Variants in ZFAT observed in about 807,000 individuals in gnomAD.
ZFAT encodes zinc finger protein ZFAT.
A neutral mutation model predicts 117.7 loss-of-function variants in ZFAT; 64 were observed. The ratio of observed to expected loss-of-function variants is 0.54; its 90% CI spans 0.44 to 0.67. The LOEUF (loss-of-function observed/expected upper bound fraction) is 0.67, where lower values mean the gene tolerates loss of function less well. Among genes scored for constraint, ZFAT ranks in the 30% least tolerant of loss-of-function variants. The probability of loss-of-function intolerance (pLI) is 0.00; values close to 1 mark genes in which losing one functional copy is unlikely to be tolerated. For missense variants in ZFAT, 1,433 were observed against 1,584.5 expected, an observed-to-expected ratio of 0.90 and a Z score of 1.62; for synonymous variants, 679 against 615.0, an observed-to-expected ratio of 1.10 and a Z score of -1.54.
chr8:134,628,019 A>G (rs1172822538), intron 3 of ZFAT, among the ~76,000 whole-genome samples: 1 of 152,184 alleles, frequency 6.6e-6, no homozygotes, highest in Non-Finnish European at 1.5e-5. Context: ...CACAATGAGA[A>G]GCCCAGATCT....
rs551199498 is a variant in ZFAT, at chr8:134,668,367, T to A, written c.20-10630A>T. 4.6e-5 allele frequency among the ~76,000 whole-genome samples: 7 copies of A among 152,338 alleles called. 1 individual carries two copies. In the South Asian group the frequency reaches 1.4e-3, roughly 32 times the overall value. On this transcript the variant is annotated intron_variant, in intron 1 of 15. Coordinates refer to ENST00000377838, the MANE Select transcript of ZFAT (RefSeq NM_020863.4). ...GAGGCACCCCCAAGTAGGGGCAGACTGACACCTCACATAGCTGGGTACTCC... is the reference window on the plus strand; with the variant it reads ...GAGGCACCCCCAAGTAGGGGCAGACAGACACCTCACATAGCTGGGTACTCC...
At chr8:134,553,055 G>A (rs1823297284) in intron 11 of ZFAT, among the ~76,000 whole-genome samples, 1 of 152,250 alleles carries the variant, frequency 6.6e-6, no homozygotes, top group Non-Finnish European at 1.5e-5. Flanking sequence ...AAAGAATGGT[G>A]GGGCAAGGGC....
chr8:134,650,111 CTTTTTTA>C (rs1831148413), intron 2 of ZFAT, among the ~76,000 whole-genome samples: 1 of 151,540 alleles, frequency 6.6e-6, no homozygotes, highest in African/African-American at 2.4e-5. Context: ...AACCTCTTTT[CTTTTTTA>C]TTTTTTTTCT....
At chr8:134,771,225 G>A in the ZFAT span, among the ~76,000 whole-genome samples, 2 of 152,290 alleles carry the variant, frequency 1.3e-5, no homozygotes, top group African/African-American at 4.8e-5. Context: ...CGGATGCCCA[G>A]CTTTAAAATT....
Position 134,602,010 on chromosome 8 carries a change from G to A in ZFAT, c.1709C>T (p.Thr570Ile), listed in dbSNP as rs1169754479. The A allele has an allele frequency of 3.7e-6, 6 of 1,613,016 alleles. No individual in the cohort carries two copies. Among genetic ancestry groups the A allele is most frequent in the Non-Finnish European group, 5.1e-6 (6 of 1,179,820 alleles). ...TTCCAGCTCACAGGGTGGCAGGGCTGTGCTTTCGGCCTGCGGGGAGGCCAG... is the reference window on the plus strand; with the variant it reads ...TTCCAGCTCACAGGGTGGCAGGGCTATGCTTTCGGCCTGCGGGGAGGCCAG... ...VHLASPQAES[T>I]ALPPCELETT... Residue 570 changes from threonine (T) to isoleucine (I), a missense_variant, in exon 6 of 16, where the codon ACA (threonine) becomes ATA (isoleucine). Coordinates refer to ENST00000377838, the MANE Select transcript of ZFAT (RefSeq NM_020863.4).
chr8:134,825,840 G>A, the ZFAT span, among the ~76,000 whole-genome samples: 1 of 152,048 alleles, frequency 6.6e-6, no homozygotes, highest in African/African-American at 2.4e-5. Flanking sequence ...CTAACATGGC[G>A]AAACCCCTTC....
intron 10 of ZFAT, among the ~76,000 whole-genome samples, chr8:134,579,396 G>A (rs7008400): frequency 0.19 from 29,520 of 152,096 alleles, 3,034 homozygotes; most frequent in Middle Eastern, 0.24. Flanking sequence ...TATGGTGGCA[G>A]GCAAGAGAAA....
At chr8:134,501,066 G>C (rs1381533251) in intron 15 of ZFAT, among the ~76,000 whole-genome samples, 2 of 152,082 alleles carry the variant, frequency 1.3e-5, no homozygotes, top group African/African-American at 2.4e-5. Context: ...CTAGGATATA[G>C]GGAAAAAAAC....
chr8:134,644,476 A>G (rs1270500354), intron 2 of ZFAT, among the ~76,000 whole-genome samples: 27 of 152,124 alleles, frequency 1.8e-4, no homozygotes, highest in Admixed American at 1.7e-3. Flanking sequence ...ATACAAAATC[A>G]TACACGTGCA....
At chr8:134,714,185 G>T (rs2131377784), upstream of ZFAT, among the ~76,000 whole-genome samples, 1 of 145,746 alleles carries the variant, frequency 6.9e-6, no homozygotes, top group Middle Eastern at 3.8e-3. Context: ...TTGTGTTCAT[G>T]GTTCCCCTGA....
the ZFAT span, among the ~76,000 whole-genome samples, chr8:134,753,960 C>T: frequency 1.3e-5 from 2 of 152,236 alleles, no homozygotes; most frequent in African/African-American, 4.8e-5. Flanking sequence ...GCAGCACAGC[C>T]TCACAAAGTA....
At chr8:134,813,801 T>C in the ZFAT span, among the ~76,000 whole-genome samples, 3 of 147,136 alleles carry the variant, frequency 2.0e-5, no homozygotes, top group South Asian at 4.4e-4. Context: ...TTTGATTTTA[T>C]ACACACACAC....
chr8:134,697,009 C>G (rs1003700838), intron 1 of ZFAT, among the ~76,000 whole-genome samples: 1 of 152,032 alleles, frequency 6.6e-6, no homozygotes, highest in Non-Finnish European at 1.5e-5. Context: ...CCTCCGCCCA[C>G]CAGGTTCAAG....
intron 1 of ZFAT, among the ~76,000 whole-genome samples, chr8:134,701,170 A>C (rs1833998943): frequency 6.6e-6 from 1 of 152,102 alleles, no homozygotes; most frequent in East Asian, 1.9e-4. Flanking sequence ...TTAAACACTA[A>C]CTCCGGATGC....
chr8:134,756,493 G>A, the ZFAT span, among the ~76,000 whole-genome samples: 1 of 152,196 alleles, frequency 6.6e-6, no homozygotes, highest in Non-Finnish European at 1.5e-5. Context: ...TCTCCAGCAC[G>A]GTGCTGTTTC....
chr8:134,556,608 A>G (rs545504915), intron 11 of ZFAT, among the ~76,000 whole-genome samples: 164 of 152,316 alleles, frequency 1.1e-3, no homozygotes, highest in African/African-American at 3.5e-3. Flanking sequence ...ATAGAGAAAC[A>G]ATGATAAGGG....
chr8:134,811,745 A>G, the ZFAT span, among the ~76,000 whole-genome samples: 243 of 152,360 alleles, frequency 1.6e-3, 2 homozygotes, highest in African/African-American at 5.7e-3. Context: ...AAGCAGTATT[A>G]GATACCAATT....
the ZFAT span, among the ~76,000 whole-genome samples, chr8:134,770,331 G>A: frequency 6.6e-6 from 1 of 152,184 alleles, no homozygotes; most frequent in South Asian, 2.1e-4. Context: ...CGTGGATTGT[G>A]AAGATTTTAT....
Position 134,602,601 on chromosome 8 carries a change from AT to A in ZFAT, c.1117del (p.Ile373SerfsTer21). 6.2e-7 allele frequency: 1 copy of A among 1,614,002 alleles called. No individual in the cohort carries two copies. Among genetic ancestry groups the A allele is most frequent in the Non-Finnish European group, 8.5e-7 (1 of 1,180,016 alleles). ...GTCCTGTGGGTCATGCGCGTCTCGG[AT>A]GTGCTTGATGAGGTTCTTGACGTCA... is the stretch of plus-strand genomic sequence containing the variant. ...YSDVKNLIKHIRDAHDPQDKK... is the reference protein window; with the variant it reads ...YSDVKNLIKHXRDAHDPQDKK... On this transcript the variant is annotated frameshift_variant, in exon 6 of 16. Coordinates refer to ENST00000377838, the MANE Select transcript of ZFAT (RefSeq NM_020863.4). LOFTEE classifies it high-confidence loss of function.
Sources: allele counts gnomAD v4.1 joint callset (sites outside exome capture counted in the v4.1 genomes callset), GRCh38; gene constraint gnomAD v4.1.1; transcripts MANE v1.5; gene names NCBI Gene and HGNC (gene_info 2026-07-23, HGNC 2026-07-21).